Variants in PLXNC1 observed in about 807,000 individuals in gnomAD.
PLXNC1 encodes plexin-C1.
Under a neutral mutation model 178.2 loss-of-function variants are expected in PLXNC1, and 75 were observed. The observed-to-expected ratio is 0.42, with a 90% CI of 0.35 to 0.51. The LOEUF is 0.51. Among genes scored for constraint, PLXNC1 ranks in the 20% least tolerant of loss-of-function variants. The pLI is 0.02. For synonymous variants in PLXNC1, 790 were observed against 779.9 expected (o/e 1.01, Z -0.22); for missense variants, 1,503 against 1,984.4 (o/e 0.76, Z 4.61).
rs1197120900 is a variant in PLXNC1 at position 94,150,045 on chromosome 12, C to T, written c.1062+12C>T. The T allele has an allele frequency of 3.2e-6, 5 of 1,553,552 alleles. No homozygotes were observed. Among genetic ancestry groups the T allele is most frequent in the Non-Finnish European group, 3.5e-6 (4 of 1,153,550 alleles). ...CCGAGAGCCACTGCGTAAGTCCTGC[C>T]CCCGGGGCGCCGCGGAGAGCGCTGC... On this transcript the variant is annotated intron_variant, in intron 1 of 30. Transcript: ENST00000258526.
intron 27 of PLXNC1, 55 bp from the exon 28 acceptor site, chr12:94,300,855 C>T (rs1968395594): frequency 6.5e-7 from 1 of 1,539,506 alleles, no homozygotes; most frequent in Admixed American, 1.7e-5. Context: ...GATAAACAGA[C>T]CATTGGCTTC....
chr12:94,220,888 G>A (rs769492595), intron 6 of PLXNC1, among the ~76,000 whole-genome samples: 4 of 152,174 alleles, frequency 2.6e-5, no homozygotes, highest in Non-Finnish European at 5.9e-5. Flanking sequence ...ATGGCCAGGA[G>A]ACAAAAAGCT....
intron 4 of PLXNC1, among the ~76,000 whole-genome samples, chr12:94,204,125 G>A (rs1649239641): frequency 6.6e-6 from 1 of 152,202 alleles, no homozygotes; most frequent in South Asian, 2.1e-4. Context: ...TACCCAGTCT[G>A]TGGTATTCTA....
intron 11 of PLXNC1, among the ~76,000 whole-genome samples, chr12:94,242,214 A>T (rs1454216183): frequency 6.6e-6 from 1 of 151,112 alleles, no homozygotes; most frequent in African/African-American, 2.4e-5. Context: ...GTTTCTCCTG[A>T]GGCCCTTACA....
At chr12:94,188,604 G>A (rs990356807) in intron 4 of PLXNC1, among the ~76,000 whole-genome samples, 8 of 152,180 alleles carry the variant, frequency 5.3e-5, no homozygotes, top group African/African-American at 1.9e-4. Flanking sequence ...GATTACAGCC[G>A]TGAGCCACCA....
intron 4 of PLXNC1, among the ~76,000 whole-genome samples, chr12:94,205,301 T>A (rs1432470335): frequency 3.9e-5 from 6 of 151,992 alleles, no homozygotes; most frequent in African/African-American, 1.5e-4. Flanking sequence ...AATAATAAAT[T>A]TAAAAGTCGA....
chr12:94,153,926 G>A (rs770228742), intron 1 of PLXNC1, among the ~76,000 whole-genome samples: 2 of 152,124 alleles, frequency 1.3e-5, no homozygotes, highest in African/African-American at 2.4e-5. Flanking sequence ...CTCAAAATCC[G>A]CAGTCTTCTT....
chr12:94,272,812 G>C (rs1216732050), intron 21 of PLXNC1, among the ~76,000 whole-genome samples: 4 of 152,208 alleles, frequency 2.6e-5, no homozygotes, highest in Admixed American at 6.5e-5. Flanking sequence ...GGAGGCACAG[G>C]GTGCTCCAGA....
intron 6 of PLXNC1, among the ~76,000 whole-genome samples, chr12:94,220,388 G>A (rs1291252613): frequency 6.6e-6 from 1 of 152,176 alleles, no homozygotes; most frequent in Non-Finnish European, 1.5e-5. Context: ...GACAAGAGAA[G>A]GGCAAGTTGG....
At chr12:94,227,503 G>A in intron 9 of PLXNC1, 1 of 297,528 alleles carries the variant, frequency 3.4e-6, no homozygotes, top group Non-Finnish European at 6.4e-6. Context: ...TGACTTTGCG[G>A]CTCACTGGTG....
chr12:94,214,007 C>T (rs1963569407), intron 5 of PLXNC1, among the ~76,000 whole-genome samples: 1 of 151,884 alleles, frequency 6.6e-6, no homozygotes, highest in African/African-American at 2.4e-5. Context: ...GCTAGGATTA[C>T]AGGCACATGC....
Position 94,247,945 on chromosome 12 carries a change from C to T in PLXNC1, c.2431C>T (p.Pro811Ser). 6.2e-7 allele frequency: 1 copy of T among 1,614,016 alleles called. No homozygotes were observed. Among genetic ancestry groups the T allele is most frequent in the Non-Finnish European group, 8.5e-7 (1 of 1,179,998 alleles). Residue 811 changes from proline (P) to serine (S), a missense_variant, in exon 13 of 31, where the codon CCC becomes TCC. Physicochemically the swap from Pro to Ser is moderately conservative, Grantham distance 74 (BLOSUM62 -1). Around this residue, in one of 4 missense-constraint regions of PLXNC1, gnomAD observed 639 missense variants for 979.7 expected, o/e 0.65. Coordinates refer to ENST00000258526, the MANE Select transcript of PLXNC1 (RefSeq NM_005761.3). The part of the protein sequence containing the change: ...CVATYCGFLA[P>S]SLKSSKVRTN... ...GGCGACTTACTGCGGGTTTTTAGCC[C>T]CCAGTTTAAAGAGTTCAAAAGTGCG...
chr12:94,149,780 G>A lies in PLXNC1; in HGVS notation c.809G>A (p.Ser270Asn), dbSNP rs748849640. 1.9e-6 allele frequency: 3 copies of A among 1,608,044 alleles called. No homozygotes were observed. The highest frequency in any genetic ancestry group is 1.1e-5 in the South Asian group (1 of 90,670). The change falls in exon 1 of 31, where the codon AGC becomes AAC. Residue 270 changes from serine (S) to asparagine (N), a missense_variant. By Grantham distance (46) the Ser-to-Asn change is conservative. This residue lies in a region of PLXNC1 where 615 missense variants were observed against 698.6 expected (regional missense o/e 0.88). Coordinates refer to ENST00000258526, the MANE Select transcript of PLXNC1 (RefSeq NM_005761.3). ...GWPSMARIAQ[S>N]TEVLFQGQAS... ...CCCAGCATGGCGCGCATCGCGCAGA[G>A]CACCGAGGTGCTGTTCCAGGGCCAG...
chr12:94,188,409 A>G lies in PLXNC1; in HGVS notation c.1439+1936A>G, dbSNP rs182187315. Among the ~76,000 whole-genome samples, 786 of 136,638 alleles carry G rather than the reference A, an allele frequency of 5.8e-3. 17 individuals are homozygous for G. Among genetic ancestry groups the G allele is most frequent in the East Asian group, 0.036 (165 of 4,612 alleles). 89.6% of individuals were successfully genotyped at this position (136,638 alleles called of 152,430 possible). A position where few individuals can be genotyped will look rare whatever the true frequency, so the allele number is the denominator to read the frequency against. On this transcript the variant is annotated intron_variant, in intron 4 of 30. Coordinates refer to ENST00000258526, the MANE Select transcript of PLXNC1 (RefSeq NM_005761.3). ...ATGATCTTGGCTCACTGCAACCTCC[A>G]CCTCCCAGGTTCAAGCCGATTCTCC...
intron 1 of PLXNC1, among the ~76,000 whole-genome samples, chr12:94,164,105 A>T (rs1433877914): frequency 6.6e-6 from 1 of 152,168 alleles, no homozygotes; most frequent in African/African-American, 2.4e-5. Context: ...AGGGGCCAGA[A>T]CTTGGGTGCA....
chr12:94,233,076 C>T (rs980423255), intron 9 of PLXNC1, among the ~76,000 whole-genome samples: 2 of 152,168 alleles, frequency 1.3e-5, no homozygotes, highest in Admixed American at 6.5e-5. Context: ...CCATGCCACA[C>T]ATGTAGGGTG....
intron 23 of PLXNC1, among the ~76,000 whole-genome samples, chr12:94,286,137 C>T (rs781121225): frequency 2.0e-5 from 3 of 152,160 alleles, no homozygotes; most frequent in Non-Finnish European, 4.4e-5. Context: ...GAAATTAATC[C>T]GGCCTGTAGT....
intron 24 of PLXNC1, among the ~76,000 whole-genome samples, chr12:94,296,327 C>G (rs1012900761): frequency 1.3e-5 from 2 of 152,050 alleles, no homozygotes; most frequent in Non-Finnish European, 2.9e-5. Flanking sequence ...TGCTCAGATA[C>G]TCTTTAAAAT....
intron 2 of PLXNC1, among the ~76,000 whole-genome samples, chr12:94,180,283 G>A (rs111612905): frequency 2.6e-5 from 4 of 152,242 alleles, no homozygotes; most frequent in African/African-American, 9.6e-5. Context: ...TCTTTGCACT[G>A]ACAGGGCTGC....
Sources: allele counts gnomAD v4.1 joint callset (sites outside exome capture counted in the v4.1 genomes callset), GRCh38; gene constraint gnomAD v4.1.1; regional missense constraint gnomAD v4.1.1; transcripts MANE v1.5; gene names NCBI Gene and HGNC (gene_info 2026-07-23, HGNC 2026-07-21).